The following DIAPH3 variants were observed in gnomAD, a reference collection of about 807,000 sequenced individuals.
DIAPH3 encodes the protein diaphanous related formin 3.
DIAPH3 carries 117 observed loss-of-function variants against 144.3 expected under a neutral mutation model. That is an observed-to-expected ratio of 0.81 (90% confidence interval 0.70 to 0.95). DIAPH3 has a LOEUF of 0.95. DIAPH3 is among the 40% of genes least tolerant of loss of function. The pLI, the probability that DIAPH3 is intolerant of heterozygous loss-of-function variation, is 0.00. For missense variants in DIAPH3, 1,421 were observed against 1,412.7 expected (o/e 1.01, Z -0.09); for synonymous variants, 519 against 488.9 (o/e 1.06, Z -0.81).
At chr13:59,709,245 G>A (rs1188832918) in intron 27 of DIAPH3, among the ~76,000 whole-genome samples, 1 of 151,966 alleles carries the variant, frequency 6.6e-6, no homozygotes. Context: ...ACAACAGATT[G>A]GCTACAGCTA....
chr13:59,798,236 A>G (rs2039715730), intron 25 of DIAPH3, among the ~76,000 whole-genome samples: 1 of 152,152 alleles, frequency 6.6e-6, no homozygotes, highest in African/African-American at 2.4e-5. Context: ...CATTCCTCCT[A>G]GTCCCAACAC....
intron 4 of DIAPH3, among the ~76,000 whole-genome samples, chr13:60,058,366 C>G (rs567030413): frequency 6.6e-6 from 1 of 151,814 alleles, no homozygotes; most frequent in Non-Finnish European, 1.5e-5. Context: ...CTAGAATGAT[C>G]GTTATTAAAA....
At chr13:60,052,348 C>T (rs1014553855) in intron 4 of DIAPH3, among the ~76,000 whole-genome samples, 2 of 152,086 alleles carry the variant, frequency 1.3e-5, no homozygotes, top group East Asian at 1.9e-4. Context: ...ATTTTACTGT[C>T]CCAGGTGACT....
chr13:59,675,873 A>T (rs1277528272), intron 27 of DIAPH3, among the ~76,000 whole-genome samples: 2 of 152,150 alleles, frequency 1.3e-5, no homozygotes, highest in Non-Finnish European at 2.9e-5. Context: ...AAGGATGAAG[A>T]GGCTGGGGAG....
intron 23 of DIAPH3, among the ~76,000 whole-genome samples, chr13:59,836,876 A>G (rs551118347): frequency 1.3e-5 from 2 of 152,088 alleles, no homozygotes; most frequent in Admixed American, 6.6e-5. Context: ...TATTTTATTC[A>G]TTGTGCATTT....
At chr13:59,755,119 A>C (rs2037192369) in intron 27 of DIAPH3, among the ~76,000 whole-genome samples, 1 of 152,176 alleles carries the variant, frequency 6.6e-6, no homozygotes, top group African/African-American at 2.4e-5. Flanking sequence ...TGTTATATAC[A>C]TATTCTCCTT....
At chr13:59,745,595 C>G (rs2139078139) in intron 27 of DIAPH3, among the ~76,000 whole-genome samples, 1 of 152,222 alleles carries the variant, frequency 6.6e-6, no homozygotes, top group South Asian at 2.1e-4. Context: ...GCTGCACATA[C>G]AAACACAGAT....
intron 21 of DIAPH3, among the ~76,000 whole-genome samples, chr13:59,873,677 CTTTT>C (rs57461813): frequency 7.8e-6 from 1 of 128,914 alleles, no homozygotes; most frequent in African/African-American, 2.9e-5. Context: ...ACCACTTTTT[CTTTT>C]TTTTTTTTTT....
chr13:59,977,100 A>G (rs1322830030), intron 14 of DIAPH3, among the ~76,000 whole-genome samples: 1 of 151,848 alleles, frequency 6.6e-6, no homozygotes, highest in Non-Finnish European at 1.5e-5. Context: ...ATGCCCCCTC[A>G]GAGTGGTAGG....
rs528440041 is a variant in DIAPH3, at chr13:59,695,459, TA to T, written c.3320-28614del. 11 of 152,230 alleles carry T rather than the reference TA, an allele frequency of 7.2e-5. No individual in the cohort carries two copies. In the South Asian group the frequency reaches 2.1e-3, roughly 29 times the overall value. 9.4% of individuals were successfully genotyped at this position (152,230 alleles called of 1,614,324 possible). A position where few individuals can be genotyped will look rare whatever the true frequency, so the allele number is the denominator to read the frequency against. ...GATGGTTCCTCCCTTCAAACAGAAA[TA>T]AAAGGTAGAATGCATTAAATGAGAT... On this transcript the variant is annotated intron_variant, in intron 27 of 27. Coordinates refer to ENST00000400324, the MANE Select transcript of DIAPH3 (RefSeq NM_001042517.2).
intron 27 of DIAPH3, among the ~76,000 whole-genome samples, chr13:59,714,614 C>T (rs1439876348): frequency 1.3e-5 from 2 of 151,122 alleles, no homozygotes; most frequent in African/African-American, 4.9e-5. Flanking sequence ...TTTTTTTTGT[C>T]CCCCCTTCCT....
At chr13:59,968,691 A>T (rs1272271688) in intron 17 of DIAPH3, among the ~76,000 whole-genome samples, 1 of 152,186 alleles carries the variant, frequency 6.6e-6, no homozygotes, top group African/African-American at 2.4e-5. Context: ...TTTTGGAGAG[A>T]GTTTCTAATT....
intron 1 of DIAPH3, among the ~76,000 whole-genome samples, chr13:60,136,210 C>T (rs1594756168): frequency 1.3e-5 from 2 of 152,082 alleles, no homozygotes; most frequent in African/African-American, 4.8e-5. Flanking sequence ...CTTTGTAACA[C>T]AAAAATATTG....
intron 20 of DIAPH3, 64 bp from the exon 21 acceptor site, chr13:59,879,532 T>A (rs977467927): frequency 1.9e-6 from 3 of 1,598,880 alleles, no homozygotes; most frequent in Non-Finnish European, 2.6e-6. Flanking sequence ...ACTGTACGAC[T>A]GCAAGTAATC....
chr13:59,964,524 C>A (rs2049946804), intron 17 of DIAPH3, among the ~76,000 whole-genome samples: 1 of 151,984 alleles, frequency 6.6e-6, no homozygotes, highest in Non-Finnish European at 1.5e-5. Context: ...CCACACTATA[C>A]CAAAGATATG....
chr13:59,734,837 G>A (rs2036063352), intron 27 of DIAPH3, among the ~76,000 whole-genome samples: 1 of 152,186 alleles, frequency 6.6e-6, no homozygotes, highest in Admixed American at 6.6e-5. Context: ...AATGCCAAAA[G>A]TTTATTTCTT....
intron 27 of DIAPH3, among the ~76,000 whole-genome samples, chr13:59,726,977 TTTCTC>T (rs1415049325): frequency 3.9e-5 from 6 of 152,176 alleles, no homozygotes; most frequent in Admixed American, 6.5e-5. Context: ...TAAATTATCT[TTTCTC>T]TTTATAGATA....
intron 1 of DIAPH3, among the ~76,000 whole-genome samples, chr13:60,157,308 A>T (rs1279929171): frequency 2.0e-5 from 3 of 152,128 alleles, no homozygotes; most frequent in African/African-American, 7.2e-5. Context: ...CAGGCTAGCT[A>T]TCCTCATGAC....
chr13:59,778,767 T>G (rs2038561981), intron 25 of DIAPH3, among the ~76,000 whole-genome samples: 1 of 152,232 alleles, frequency 6.6e-6, no homozygotes, highest in Non-Finnish European at 1.5e-5. Context: ...ACTGCATGAG[T>G]TGCCTAGTCA....
Sources: allele counts gnomAD v4.1 joint callset (sites outside exome capture counted in the v4.1 genomes callset), GRCh38; gene constraint gnomAD v4.1.1; transcripts MANE v1.5; gene names NCBI Gene and HGNC (gene_info 2026-07-23, HGNC 2026-07-21).